Variants in PRKN observed in about 807,000 individuals in gnomAD.
PRKN encodes the protein parkin RBR E3 ubiquitin protein ligase.
Under a neutral mutation model 59.5 loss-of-function variants are expected in PRKN, and 56 were observed. That is an observed-to-expected ratio of 0.94 (90% CI 0.76 to 1.18). PRKN has a LOEUF of 1.18. PRKN is among the 50% of genes most tolerant of loss of function. The pLI, the probability that PRKN is intolerant of heterozygous loss-of-function variation, is 0.00. For missense variants in PRKN, 657 were observed against 596.4 expected (o/e 1.10, Z -1.06); for synonymous variants, 250 against 222.1 (o/e 1.13, Z -1.12).
At chr6:161,993,358 T>C (rs1426858919) in intron 5 of PRKN, among the ~76,000 whole-genome samples, 1 of 151,964 alleles carries the variant, frequency 6.6e-6, no homozygotes, top group East Asian at 1.9e-4. Context: ...AGAGGAAATA[T>C]ATAAACCTTG....
chr6:162,093,788 T>C (rs1224552427), intron 4 of PRKN, among the ~76,000 whole-genome samples: 1 of 152,162 alleles, frequency 6.6e-6, no homozygotes, highest in Non-Finnish European at 1.5e-5. Context: ...TGTGCATCCA[T>C]GCTTCTCAGC....
intron 7 of PRKN, among the ~76,000 whole-genome samples, chr6:161,732,574 T>C (rs1192596766): frequency 6.6e-6 from 1 of 152,042 alleles, no homozygotes; most frequent in Non-Finnish European, 1.5e-5. Flanking sequence ...TCAAGATGCA[T>C]ACAGTGTACA....
At chr6:161,949,600 G>A (rs559891238) in intron 6 of PRKN, among the ~76,000 whole-genome samples, 1 of 152,290 alleles carries the variant, frequency 6.6e-6, no homozygotes, top group East Asian at 1.9e-4. Flanking sequence ...GAGGCCCTCT[G>A]CAAGTGGATC....
At chr6:162,426,507 G>A (rs369903313) in intron 2 of PRKN, among the ~76,000 whole-genome samples, 5 of 152,364 alleles carry the variant, frequency 3.3e-5, no homozygotes, top group African/African-American at 1.2e-4. Flanking sequence ...CTGTAATGCA[G>A]TGGCACAATC....
intron 2 of PRKN, among the ~76,000 whole-genome samples, chr6:162,392,614 C>T (rs1562727835): frequency 6.6e-6 from 1 of 152,106 alleles, no homozygotes; most frequent in Non-Finnish European, 1.5e-5. Context: ...ACCAATAATG[C>T]CAGCAAAGCA....
In PRKN at chr6:161,349,312, A is replaced by C. The variant is rs1047898450; in HGVS notation, c.*787T>G. On this transcript the variant is annotated 3_prime_UTR_variant, in exon 12 of 12. Coordinates refer to ENST00000366898, the MANE Select transcript of PRKN (RefSeq NM_004562.3). This position sits in a 1 kb window ranked among gnomAD's most constrained non-coding sequence, Gnocchi z 5.5. Reference sequence around the variant, plus strand: ...TAGATTTTTTGGTGATACTTTCAGAAAAACAATTTCTTTCTAAAGTTGCAA... The same window carrying C: ...TAGATTTTTTGGTGATACTTTCAGACAAACAATTTCTTTCTAAAGTTGCAA... 1 of 228,474 alleles carries C rather than the reference A, an allele frequency of 4.4e-6. No homozygotes were observed. The highest frequency in any genetic ancestry group is 8.7e-6 in the Non-Finnish European group (1 of 115,240). 14.2% of individuals were successfully genotyped at this position (228,474 alleles called of 1,614,324 possible).
chr6:161,717,899 G>A (rs1036243301), intron 7 of PRKN, among the ~76,000 whole-genome samples: 34 of 152,150 alleles, frequency 2.2e-4, no homozygotes, highest in Admixed American at 2.2e-3. Context: ...AGTGGAGCCT[G>A]CTCAGGTCCT....
chr6:161,434,655 T>A (rs1034833807), intron 9 of PRKN, among the ~76,000 whole-genome samples: 2 of 152,166 alleles, frequency 1.3e-5, no homozygotes, highest in Non-Finnish European at 2.9e-5. Flanking sequence ...GGAGCCTTAA[T>A]TTTCTCATTT....
intron 5 of PRKN, among the ~76,000 whole-genome samples, chr6:162,042,904 G>T (rs374163999): frequency 1.9e-4 from 29 of 152,126 alleles, no homozygotes; most frequent in East Asian, 1.3e-3. Context: ...TATAAGGCAG[G>T]TAAGAAATTA....
chr6:161,561,156 A>G lies in PRKN; in HGVS notation c.933+8199T>C, dbSNP rs76648702. On this transcript the variant is annotated intron_variant, in intron 8 of 11. Coordinates refer to ENST00000366898, the MANE Select transcript of PRKN (RefSeq NM_004562.3). This position sits in a 1 kb window ranked among gnomAD's most constrained non-coding sequence, Gnocchi z 5.0. ...AAAGGGGTGAAATAAAAAAGATGAA[A>G]TGAGGATAGTTACAAAAGCATAGGA... Among the ~76,000 whole-genome samples the G allele has an allele frequency of 3.9e-5, 6 of 152,228 alleles. No homozygotes were observed. The highest frequency in any genetic ancestry group is 8.8e-5 in the Non-Finnish European group (6 of 68,038).
chr6:162,258,213 C>T (rs1386086848), intron 3 of PRKN, among the ~76,000 whole-genome samples: 1 of 152,222 alleles, frequency 6.6e-6, no homozygotes, highest in Non-Finnish European at 1.5e-5. Context: ...AGAACACACA[C>T]TTACTAGCTG....
At chr6:161,753,043 G>C (rs1230854213) in intron 7 of PRKN, among the ~76,000 whole-genome samples, 2 of 152,146 alleles carry the variant, frequency 1.3e-5, no homozygotes, top group Non-Finnish European at 2.9e-5. Context: ...AGACCGACTT[G>C]GAAACAAGCT....
At chr6:161,382,822 G>T (rs980371117) in intron 10 of PRKN, among the ~76,000 whole-genome samples, 1 of 152,168 alleles carries the variant, frequency 6.6e-6, no homozygotes, top group Non-Finnish European at 1.5e-5. Context: ...TAAGTTTTAG[G>T]TCCAACAGTC....
intron 6 of PRKN, among the ~76,000 whole-genome samples, chr6:161,815,776 G>A (rs1791751788): frequency 6.6e-6 from 1 of 152,128 alleles, no homozygotes; most frequent in Non-Finnish European, 1.5e-5. Context: ...TGTGTGTAGG[G>A]GGAAGACGGG....
At chr6:161,785,308 T>C (rs1211238787) in intron 7 of PRKN, among the ~76,000 whole-genome samples, 1 of 152,338 alleles carries the variant, frequency 6.6e-6, no homozygotes, top group East Asian at 1.9e-4. Flanking sequence ...GGGTGCTTTG[T>C]AATGTGAAAA....
At chr6:162,468,415 A>C (rs1284761864) in intron 1 of PRKN, among the ~76,000 whole-genome samples, 1 of 152,244 alleles carries the variant, frequency 6.6e-6, no homozygotes, top group Non-Finnish European at 1.5e-5. Context: ...ACATTTACTC[A>C]GTGTCTGTCC....
intron 6 of PRKN, among the ~76,000 whole-genome samples, chr6:161,964,519 A>G (rs1780504530): frequency 6.6e-6 from 1 of 152,048 alleles, no homozygotes; most frequent in African/African-American, 2.4e-5. Context: ...GCTTCAAGCT[A>G]GAAGATATAT....
intron 7 of PRKN, among the ~76,000 whole-genome samples, chr6:161,613,274 A>G (rs1441926660): frequency 2.0e-5 from 3 of 152,212 alleles, no homozygotes; most frequent in Non-Finnish European, 2.9e-5. Flanking sequence ...AAGAACTGGA[A>G]ATACAAGTGG....
At chr6:161,795,603 A>G (rs925362505) in intron 6 of PRKN, among the ~76,000 whole-genome samples, 3 of 152,014 alleles carry the variant, frequency 2.0e-5, no homozygotes, top group Non-Finnish European at 4.4e-5. Flanking sequence ...AACATATACT[A>G]ATTGGAAGGC....
Sources: gnomAD v4.1 joint callset for allele counts (sites outside exome capture counted in the v4.1 genomes callset) on GRCh38, gnomAD v4.1.1 for gene constraint, Gnocchi (gnomAD v3.1) non-coding constraint, MANE v1.5 for transcripts, NCBI Gene and HGNC (gene_info 2026-07-23, HGNC 2026-07-21) for gene names.